The following SUGCT variants were observed in gnomAD, a reference collection of about 807,000 sequenced individuals.
The protein encoded by SUGCT is succinyl-CoA:glutarate-CoA transferase.
SUGCT carries 41 observed loss-of-function variants against 55.0 expected under a neutral mutation model. The observed-to-expected ratio is 0.74, with a 90% CI of 0.58 to 0.97. The LOEUF (loss-of-function observed/expected upper bound fraction) is 0.97. SUGCT is among the 50% of genes least tolerant of loss of function. The pLI, the probability that SUGCT is intolerant of heterozygous loss-of-function variation, is 0.00. For synonymous variants in SUGCT, 187 were observed against 200.4 expected (o/e 0.93, Z 0.56); for missense variants, 568 against 547.8 (o/e 1.04, Z -0.37).
chr7:40,450,523 C>A (rs1789131899), intron 10 of SUGCT, among the ~76,000 whole-genome samples: 1 of 151,690 alleles, frequency 6.6e-6, no homozygotes, highest in Non-Finnish European at 1.5e-5. Context: ...GCCTGCAATC[C>A]CAGCACTTTG....
chr7:40,280,132 T>C (rs1334699887), intron 8 of SUGCT, among the ~76,000 whole-genome samples: 1 of 152,192 alleles, frequency 6.6e-6, no homozygotes, highest in Non-Finnish European at 1.5e-5. Context: ...TCAGAAATGA[T>C]TGCCTCAGCC....
chr7:40,433,155 A>T (rs1787992587), intron 9 of SUGCT, among the ~76,000 whole-genome samples: 1 of 151,946 alleles, frequency 6.6e-6, no homozygotes, highest in African/African-American at 2.4e-5. Flanking sequence ...CTGGTTCTTC[A>T]TTATGTGTTG....
At chr7:40,394,739 T>C (rs899397310) in intron 9 of SUGCT, among the ~76,000 whole-genome samples, 1 of 152,230 alleles carries the variant, frequency 6.6e-6, no homozygotes, top group Non-Finnish European at 1.5e-5. Context: ...CTTCTATGAG[T>C]TTGACTTTTT....
chr7:40,508,808 T>A (rs569958745), intron 12 of SUGCT, among the ~76,000 whole-genome samples: 2 of 152,328 alleles, frequency 1.3e-5, no homozygotes, highest in East Asian at 3.9e-4. Context: ...CTTTCCAAGA[T>A]AACCCAAATG....
At chr7:40,537,190 C>T (rs1309535551) in intron 12 of SUGCT, among the ~76,000 whole-genome samples, 1 of 152,130 alleles carries the variant, frequency 6.6e-6, no homozygotes, top group Admixed American at 6.5e-5. Context: ...TCATATTGTA[C>T]ACCTGTAAGC....
At chr7:40,232,187 G>C (rs1407389824) in intron 6 of SUGCT, among the ~76,000 whole-genome samples, 1 of 152,218 alleles carries the variant, frequency 6.6e-6, no homozygotes, top group Admixed American at 6.5e-5. Context: ...GAATAGTCTA[G>C]ATGAGAGATA....
At chr7:40,782,865 A>G (rs1010000508) in intron 13 of SUGCT, among the ~76,000 whole-genome samples, 2 of 152,178 alleles carry the variant, frequency 1.3e-5, no homozygotes, top group African/African-American at 2.4e-5. Flanking sequence ...GGGATGTCCA[A>G]TAGATTCTAG....
intron 12 of SUGCT, among the ~76,000 whole-genome samples, chr7:40,649,659 G>C (rs973884758): frequency 6.6e-6 from 1 of 152,166 alleles, no homozygotes; most frequent in African/African-American, 2.4e-5. Context: ...TTCTAAATCT[G>C]TGTAGTACAT....
intron 13 of SUGCT, among the ~76,000 whole-genome samples, chr7:40,770,244 A>T (rs1242086732): frequency 6.6e-6 from 1 of 152,054 alleles, no homozygotes; most frequent in East Asian, 1.9e-4. Flanking sequence ...CTGCATCAGG[A>T]TTATCTTTAG....
At chr7:40,168,977 ACTACCACCT>A (rs1784547923) in intron 1 of SUGCT, among the ~76,000 whole-genome samples, 1 of 152,046 alleles carries the variant, frequency 6.6e-6, no homozygotes, top group Admixed American at 6.6e-5. Context: ...GCAGTGTAAG[ACTACCACCT>A]CTTTAGGTTT....
intron 9 of SUGCT, among the ~76,000 whole-genome samples, chr7:40,443,673 G>C (rs1788644938): frequency 6.6e-6 from 1 of 152,126 alleles, no homozygotes; most frequent in African/African-American, 2.4e-5. Context: ...TGTGTAGGTT[G>C]CCTGTTCACT....
At chr7:40,189,958 C>T (rs1450594766) in intron 5 of SUGCT, among the ~76,000 whole-genome samples, 1 of 152,106 alleles carries the variant, frequency 6.6e-6, no homozygotes, top group Non-Finnish European at 1.5e-5. Context: ...CTAAGTGATG[C>T]TCCAAGATTC....
intron 13 of SUGCT, among the ~76,000 whole-genome samples, chr7:40,829,262 ACTGCTGCTGCTG>A (rs745318484): frequency 4.0e-5 from 6 of 151,822 alleles, no homozygotes; most frequent in Admixed American, 2.6e-4. Flanking sequence ...ATCCATAAGG[ACTGCTGCTGCTG>A]CTGCTGCTGC....
chr7:40,829,121 C>T (rs1792517833), intron 13 of SUGCT, among the ~76,000 whole-genome samples: 1 of 152,176 alleles, frequency 6.6e-6, no homozygotes, highest in Admixed American at 6.5e-5. Flanking sequence ...TTTACAAATG[C>T]CATGGCAACA....
rs1396060601 is a variant in SUGCT, at chr7:40,189,561, C to G, written c.330C>G (p.Ile110Met). 9.6e-6 allele frequency: 13 copies of G among 1,358,050 alleles called. No individual in the cohort carries two copies. The highest frequency in any genetic ancestry group is 1.3e-5 in the Non-Finnish European group (13 of 1,028,026). 84.1% of individuals were successfully genotyped at this position (1,358,050 alleles called of 1,614,324 possible). ...ATTTTTAGAGTATTGCTGTTAATAT[C>G]AAGGATCCAAAAGGGGTGAAAATCA... ...NRNKKSIAVN[I>M]KDPKGVKIIK... is the part of the protein sequence containing the mutation. The change falls in exon 5 of 14, where the codon ATC (isoleucine) becomes ATG (methionine). Residue 110 changes from isoleucine (I) to methionine (M), a missense_variant. By Grantham distance (10) the Ile-to-Met change is conservative. Coordinates refer to ENST00000335693, the MANE Select transcript of SUGCT (RefSeq NM_001193313.2).
chr7:40,811,889 T>G (rs1053312692), intron 13 of SUGCT, among the ~76,000 whole-genome samples: 17 of 152,088 alleles, frequency 1.1e-4, no homozygotes, highest in Non-Finnish European at 2.2e-4. Flanking sequence ...CAGTATGAGG[T>G]TGGCTGTAGG....
chr7:40,911,787 A>G, the SUGCT span, among the ~76,000 whole-genome samples: 3 of 152,116 alleles, frequency 2.0e-5, no homozygotes, highest in Non-Finnish European at 2.9e-5. Flanking sequence ...CATCGGTATA[A>G]AGGAACCATG....
At chr7:40,631,995 C>A (rs971558036) in intron 12 of SUGCT, among the ~76,000 whole-genome samples, 3 of 152,178 alleles carry the variant, frequency 2.0e-5, no homozygotes, top group Non-Finnish European at 2.9e-5. Context: ...CCTGCAGATG[C>A]TCCCAAGCCA....
intron 1 of SUGCT, among the ~76,000 whole-genome samples, chr7:40,158,611 G>T (rs147642576): frequency 6.6e-6 from 1 of 152,082 alleles, no homozygotes; most frequent in Non-Finnish European, 1.5e-5. Context: ...TTAGCCGGGC[G>T]TGGTGGCATG....
Sources: gnomAD v4.1 joint callset for allele counts (sites outside exome capture counted in the v4.1 genomes callset) on GRCh38, gnomAD v4.1.1 for gene constraint, MANE v1.5 for transcripts, NCBI Gene and HGNC (gene_info 2026-07-23, HGNC 2026-07-21) for gene names.